The following INSYN2B variants were observed in gnomAD, a reference collection of about 807,000 sequenced individuals.
INSYN2B encodes protein INSYN2B.
INSYN2B carries 16 observed loss-of-function variants against 41.2 expected under a neutral mutation model. That is an observed-to-expected ratio of 0.39 (90% CI 0.26 to 0.59). The LOEUF is 0.59. INSYN2B is among the 20% of genes least tolerant of loss of function. The pLI, the probability that INSYN2B is intolerant of heterozygous loss-of-function variation, is 0.57. For missense variants in INSYN2B, 608 were observed against 646.4 expected (o/e 0.94, Z 0.64); for synonymous variants, 245 against 244.4 (o/e 1.00, Z -0.02).
chr5:169,883,081 T>C lies in INSYN2B; in HGVS notation c.818A>G (p.Glu273Gly). Reference sequence around the variant, plus strand: ...GGGCAAAAGCAATTCAGGTTTAAGTTCCTCTGTGCCTGGTGTGTGGCTGGC... The same window carrying C: ...GGGCAAAAGCAATTCAGGTTTAAGTCCCTCTGTGCCTGGTGTGTGGCTGGC... ...SVASHTPGTE[E>G]LKPELLLPKD... The change falls in exon 2 of 4, where the codon GAA (glutamate) becomes GGA (glycine). Residue 273 changes from glutamate to glycine, a missense_variant. Transcript: ENST00000377365. The C allele has an allele frequency of 6.4e-7, 1 of 1,551,608 alleles. No individual in the cohort carries two copies. Among genetic ancestry groups the C allele is most frequent in the Non-Finnish European group, 8.7e-7 (1 of 1,146,940 alleles).
intron 1 of INSYN2B, among the ~76,000 whole-genome samples, chr5:169,886,149 A>G (rs1475182447): frequency 6.6e-6 from 1 of 152,134 alleles, no homozygotes; most frequent in Non-Finnish European, 1.5e-5. Context: ...TATAAATTAC[A>G]CAGTCTCTGG....
intron 1 of INSYN2B, among the ~76,000 whole-genome samples, chr5:169,932,233 C>CAAA (rs1775790130): frequency 7.2e-5 from 11 of 152,102 alleles, no homozygotes; most frequent in Admixed American, 1.3e-4. Context: ...GAGGGTGGGT[C>CAAA]CCTGAGTTTA....
At chr5:169,943,813 C>A (rs1190841779) in intron 1 of INSYN2B, among the ~76,000 whole-genome samples, 2 of 152,196 alleles carry the variant, frequency 1.3e-5, no homozygotes, top group Non-Finnish European at 1.5e-5. Flanking sequence ...AGCCAGCCCC[C>A]AAGGTGACTC....
chr5:169,872,365 T>C (rs974079609), intron 3 of INSYN2B, among the ~76,000 whole-genome samples: 1 of 152,160 alleles, frequency 6.6e-6, no homozygotes, highest in African/African-American at 2.4e-5. Flanking sequence ...GGAACTTTAG[T>C]TTGTATGTTT....
rs542896157 is a variant in INSYN2B at position 169,868,910 on chromosome 5, C to G, written c.1422-4451G>C. 2.0e-5 allele frequency among the ~76,000 whole-genome samples: 3 copies of G among 152,224 alleles called. No homozygotes were observed. In the East Asian group the frequency reaches 5.8e-4, roughly 29 times the overall value. On this transcript the variant is annotated intron_variant, in intron 3 of 3. Coordinates refer to ENST00000377365, the MANE Select transcript of INSYN2B (RefSeq NM_001129891.3). ...CCAACATAGAGGATGGAGTGAGGGC[C>G]CCAGAGCTGAATGCTCTTGGGTTTG...
intron 1 of INSYN2B, among the ~76,000 whole-genome samples, chr5:169,978,414 T>C (rs1439445936): frequency 1.6e-5 from 2 of 127,810 alleles, no homozygotes; most frequent in African/African-American, 6.2e-5. Flanking sequence ...GGTGTAGGTG[T>C]GTTTGCATTA....
At position 169,864,223 on chromosome 5, in the gene INSYN2B, T is replaced by A; in HGVS notation, c.*50A>T. 1 of 1,463,356 alleles carries A rather than the reference T, an allele frequency of 6.8e-7. No individual in the cohort carries two copies. The highest frequency in any genetic ancestry group is 1.8e-4 in the Middle Eastern group (1 of 5,560). The allele number at this position is 1,463,356 out of a possible 1,614,324, so 90.6% of individuals were successfully genotyped here. ...GGCCTTAAGTGCAGTGGATTTCCCATCTCAGGGAAGTGCGTGGAGTTGGGG... is the reference window on the plus strand; with the variant it reads ...GGCCTTAAGTGCAGTGGATTTCCCAACTCAGGGAAGTGCGTGGAGTTGGGG... On this transcript the variant is annotated 3_prime_UTR_variant, in exon 4 of 4. Coordinates refer to ENST00000377365, the MANE Select transcript of INSYN2B (RefSeq NM_001129891.3).
At chr5:169,897,957 A>G (rs1773708763) in intron 1 of INSYN2B, among the ~76,000 whole-genome samples, 1 of 152,226 alleles carries the variant, frequency 6.6e-6, no homozygotes, top group Non-Finnish European at 1.5e-5. Flanking sequence ...GAAATAAAGG[A>G]GCAGGCTAGC....
chr5:169,906,520 C>T (rs111573259), intron 1 of INSYN2B, among the ~76,000 whole-genome samples: 3,959 of 152,204 alleles, frequency 0.026, 63 homozygotes, highest in Middle Eastern at 0.068. Context: ...TTTGTAGAGA[C>T]AGGGTCTCCC....
intron 1 of INSYN2B, among the ~76,000 whole-genome samples, chr5:169,894,621 G>A (rs1021208946): frequency 6.6e-6 from 1 of 152,182 alleles, no homozygotes; most frequent in African/African-American, 2.4e-5. Context: ...GGTGGCACAA[G>A]CAGTTTGCAA....
chr5:169,926,974 G>T (rs1273595491), intron 1 of INSYN2B, among the ~76,000 whole-genome samples: 1 of 152,216 alleles, frequency 6.6e-6, no homozygotes, highest in Non-Finnish European at 1.5e-5. Context: ...GCTACTTTAG[G>T]TGGGATGGCC....
At chr5:169,903,690 TACTCGG>T (rs1017687826) in intron 1 of INSYN2B, among the ~76,000 whole-genome samples, 12 of 151,974 alleles carry the variant, frequency 7.9e-5, no homozygotes, top group African/African-American at 2.7e-4. Context: ...GGGTCGAACT[TACTCGG>T]GGCAGGGGGA....
intron 1 of INSYN2B, among the ~76,000 whole-genome samples, chr5:169,901,828 A>G (rs541925859): frequency 5.3e-5 from 8 of 152,362 alleles, no homozygotes; most frequent in African/African-American, 1.7e-4. Flanking sequence ...GCCATGTGCT[A>G]TGGTGTTACC....
intron 1 of INSYN2B, among the ~76,000 whole-genome samples, chr5:169,929,705 G>A (rs533863160): frequency 7.1e-6 from 1 of 141,744 alleles, no homozygotes; most frequent in African/African-American, 2.7e-5. Context: ...GGGGATCACT[G>A]CACTCCAGCC....
chr5:169,955,695 G>A lies in INSYN2B; in HGVS notation c.-919+24582C>T, dbSNP rs142581961. ...ATTCCAGCCTAGCCACTATATAGCTGTGGAATTACAGAGACATTCTTTAAC... is the reference window on the plus strand; with the variant it reads ...ATTCCAGCCTAGCCACTATATAGCTATGGAATTACAGAGACATTCTTTAAC... On this transcript the variant is annotated intron_variant, in intron 1 of 3. Coordinates refer to ENST00000377365, the MANE Select transcript of INSYN2B (RefSeq NM_001129891.3). Among the ~76,000 whole-genome samples the A allele has an allele frequency of 3.3e-3, 503 of 152,286 alleles. 2 individuals are homozygous for A. Among genetic ancestry groups the A allele is most frequent in the Middle Eastern group, 0.01 (3 of 292 alleles).
chr5:169,977,131 T>C (rs181073855), intron 1 of INSYN2B, among the ~76,000 whole-genome samples: 1 of 152,356 alleles, frequency 6.6e-6, no homozygotes, highest in East Asian at 1.9e-4. Context: ...TGGACACTGT[T>C]GTCACTTTTC....
At chr5:169,951,123 C>T (rs1166549560) in intron 1 of INSYN2B, among the ~76,000 whole-genome samples, 1 of 152,184 alleles carries the variant, frequency 6.6e-6, no homozygotes, top group Non-Finnish European at 1.5e-5. Flanking sequence ...CCAACCCTTT[C>T]CCTCCCTGGC....
At chr5:169,918,493 C>G (rs1364216409) in intron 1 of INSYN2B, among the ~76,000 whole-genome samples, 1 of 152,212 alleles carries the variant, frequency 6.6e-6, no homozygotes, top group Non-Finnish European at 1.5e-5. Flanking sequence ...AGAGCATCAT[C>G]TCACAGTTAA....
At chr5:169,930,179 T>C (rs1012771956) in intron 1 of INSYN2B, among the ~76,000 whole-genome samples, 9 of 152,002 alleles carry the variant, frequency 5.9e-5, no homozygotes, top group Non-Finnish European at 1.3e-4. Context: ...TTAGTAGAGA[T>C]GGGGGTTTCA....
Sources: allele counts gnomAD v4.1 joint callset (sites outside exome capture counted in the v4.1 genomes callset), GRCh38; gene constraint gnomAD v4.1.1; transcripts MANE v1.5; gene names NCBI Gene and HGNC (gene_info 2026-07-23, HGNC 2026-07-21).